The following RHOQ variants were observed in gnomAD, a reference collection of about 807,000 sequenced individuals.
RHOQ encodes ras homolog family member Q, also known as rho-related GTP-binding protein RhoQ.
A neutral mutation model predicts 25.8 loss-of-function variants in RHOQ; 7 were observed. That is an observed-to-expected ratio of 0.27 (90% CI 0.15 to 0.51). The LOEUF is 0.51. RHOQ is among the 20% of genes least tolerant of loss of function. The probability of loss-of-function intolerance (pLI) is 0.97; values close to 1 mark genes in which losing one functional copy is unlikely to be tolerated. For synonymous variants in RHOQ, 97 were observed against 98.6 expected, an observed-to-expected ratio of 0.98 and a Z score of 0.10; for missense variants, 165 against 260.6, an observed-to-expected ratio of 0.63 and a Z score of 2.53.
intron 2 of RHOQ, chr2:46,560,571 A>G (rs942844741): frequency 1.1e-5 from 5 of 456,222 alleles, no homozygotes; most frequent in Admixed American, 7.0e-5. Flanking sequence ...TTTCTGTTTC[A>G]TCTGGATCCT....
At chr2:46,562,598 T>C (rs766490019) in intron 2 of RHOQ, among the ~76,000 whole-genome samples, 25 of 152,148 alleles carry the variant, frequency 1.6e-4, no homozygotes, top group Admixed American at 3.9e-4. Flanking sequence ...AGTGTAGACA[T>C]GTGTGCATTA....
At chr2:46,547,787 G>A (rs558362740) in intron 2 of RHOQ, among the ~76,000 whole-genome samples, 6 of 152,326 alleles carry the variant, frequency 3.9e-5, no homozygotes, top group African/African-American at 1.4e-4. Context: ...AGGAGGGACT[G>A]GAGAGATGGG....
chr2:46,554,822 A>G (rs2103993787), intron 2 of RHOQ, among the ~76,000 whole-genome samples: 2 of 145,062 alleles, frequency 1.4e-5, no homozygotes, highest in South Asian at 4.3e-4. Flanking sequence ...GTTCCAATCT[A>G]GAAAACCCAT....
chr2:46,567,503 C>T (rs151068378), intron 2 of RHOQ, among the ~76,000 whole-genome samples: 1,843 of 152,032 alleles, frequency 0.012, 13 homozygotes, highest in Non-Finnish European at 0.017. Context: ...AAGTGATCTT[C>T]CCACCTCAGC....
intron 4 of RHOQ, among the ~76,000 whole-genome samples, chr2:46,577,319 C>CTTAACA (rs1408024109): frequency 6.6e-6 from 1 of 151,496 alleles, no homozygotes; most frequent in African/African-American, 2.4e-5. Context: ...CCCATTTGGC[C>CTTAACA]TTAACATTAT....
intron 2 of RHOQ, among the ~76,000 whole-genome samples, chr2:46,554,637 G>A (rs1668356589): frequency 6.6e-6 from 1 of 152,112 alleles, no homozygotes; most frequent in Admixed American, 6.5e-5. Context: ...CGGGTCACAA[G>A]GAGTGGCTGA....
At chr2:46,580,242 C>G (rs527665720) in intron 4 of RHOQ, 1 of 152,580 alleles carries the variant, frequency 6.6e-6, no homozygotes, top group Admixed American at 6.5e-5. Context: ...GCCTCCTGGT[C>G]TCCTTTGTTG....
chr2:46,580,852 T>C (rs2276554), intron 4 of RHOQ, 76 bp from the exon 5 acceptor site: 150,012 of 1,026,838 alleles, frequency 0.15, 15,122 homozygotes, highest in African/African-American at 0.47. Flanking sequence ...TAATTTTCTT[T>C]ATAATGATGT....
In RHOQ at chr2:46,552,966, G is replaced by A. The variant is rs1668288560; in HGVS notation, c.201+9154G>A. Among the ~76,000 whole-genome samples, 1 of 152,190 alleles carries A rather than the reference G, an allele frequency of 6.6e-6. No individual in the cohort carries two copies. The highest frequency in any genetic ancestry group is 2.1e-4 in the South Asian group (1 of 4,832). On this transcript the variant is annotated intron_variant, in intron 2 of 4. Coordinates refer to ENST00000238738, the MANE Select transcript of RHOQ (RefSeq NM_012249.4). This position sits in a 1 kb window ranked among gnomAD's most constrained non-coding sequence, Gnocchi z 5.0. The stretch of plus-strand genomic sequence containing the variant: ...TTTAGCTGGAGAAAGTGATCAGTTT[G>A]GATTCTTACACGTACTAGATGCTCA...
At chr2:46,561,870 A>G (rs1401454929) in intron 2 of RHOQ, among the ~76,000 whole-genome samples, 1 of 152,148 alleles carries the variant, frequency 6.6e-6, no homozygotes, top group Non-Finnish European at 1.5e-5. Flanking sequence ...AATGACTTGA[A>G]CAAGATTACA....
intron 2 of RHOQ, among the ~76,000 whole-genome samples, chr2:46,567,456 T>A (rs1668770577): frequency 6.6e-6 from 1 of 151,838 alleles, no homozygotes; most frequent in South Asian, 2.1e-4. Flanking sequence ...TGCAGTGGCA[T>A]GATCTCAGCT....
chr2:46,550,690 CTG>C (rs1195138242), intron 2 of RHOQ, among the ~76,000 whole-genome samples: 5 of 152,224 alleles, frequency 3.3e-5, no homozygotes, highest in Non-Finnish European at 7.3e-5. Context: ...TCTCTTCCTT[CTG>C]TGTGAAGTGT....
chr2:46,570,143 T>C (rs1231442641), intron 2 of RHOQ, among the ~76,000 whole-genome samples: 1 of 152,214 alleles, frequency 6.6e-6, no homozygotes, highest in African/African-American at 2.4e-5. Flanking sequence ...GACTGCACAA[T>C]AGAAATGAGG....
At chr2:46,546,820 G>A (rs368195240) in intron 2 of RHOQ, among the ~76,000 whole-genome samples, 4 of 151,998 alleles carry the variant, frequency 2.6e-5, no homozygotes, top group African/African-American at 9.7e-5. Context: ...TGGGGAGAAA[G>A]GTTCACAGAG....
intron 4 of RHOQ, among the ~76,000 whole-genome samples, chr2:46,577,302 CT>C (rs35897111): frequency 6.6e-6 from 1 of 151,870 alleles, no homozygotes; most frequent in East Asian, 1.9e-4. Flanking sequence ...ACTTTTTCCC[CT>C]TTTTTCCCAT....
At position 46,566,922 on chromosome 2, in the gene RHOQ, G is replaced by A. The variant is rs1360501009; in HGVS notation, c.202-9165G>A. Among the ~76,000 whole-genome samples the A allele has an allele frequency of 6.6e-6, 1 of 152,040 alleles. No homozygotes were observed. The highest frequency in any genetic ancestry group is 6.6e-5 in the Admixed American group (1 of 15,264). On this transcript the variant is annotated intron_variant, in intron 2 of 4. Coordinates refer to ENST00000238738, the MANE Select transcript of RHOQ (RefSeq NM_012249.4). This position sits in a 1 kb window ranked among gnomAD's most constrained non-coding sequence, Gnocchi z 4.2. The stretch of plus-strand genomic sequence containing the variant: ...CAGAACCTGGCTCTTTTCCTTCATA[G>A]CACCTGTCCCAATTTGCATTTATAG...
At chr2:46,580,784 C>T in intron 4 of RHOQ, 144 bp from the exon 5 acceptor site, 2 of 538,706 alleles carry the variant, frequency 3.7e-6, no homozygotes, top group Non-Finnish European at 6.2e-6. Flanking sequence ...TTTTAAAATC[C>T]CCTCTGGGGT....
At position 46,566,399 on chromosome 2, in the gene RHOQ, A is replaced by G. The variant is rs1255474041; in HGVS notation, c.202-9688A>G. 6.6e-6 allele frequency among the ~76,000 whole-genome samples: 1 copy of G among 151,644 alleles called. No individual in the cohort carries two copies. Among genetic ancestry groups the G allele is most frequent in the African/African-American group, 2.4e-5 (1 of 41,044 alleles). On this transcript the variant is annotated intron_variant, in intron 2 of 4. Transcript: ENST00000238738. The surrounding 1 kb of genome is among the most constrained non-coding windows in gnomAD (Gnocchi z 4.2). ...TATGGTGCTTCTCTACCCTACCCTCAGTTTTCTTCATCCCTCTAAAAGATG... is the reference window on the plus strand; with the variant it reads ...TATGGTGCTTCTCTACCCTACCCTCGGTTTTCTTCATCCCTCTAAAAGATG...
intron 1 of RHOQ, 199 bp from the exon 2 acceptor site, chr2:46,543,555 G>C (rs1165462130): frequency 1.1e-5 from 7 of 617,152 alleles, no homozygotes; most frequent in African/African-American, 1.8e-5. Context: ...GGGGTGGACG[G>C]CTGGGGACCA....
Sources: gnomAD v4.1 joint callset for allele counts (sites outside exome capture counted in the v4.1 genomes callset) on GRCh38, gnomAD v4.1.1 for gene constraint, Gnocchi (gnomAD v3.1) non-coding constraint, MANE v1.5 for transcripts, NCBI Gene and HGNC (gene_info 2026-07-23, HGNC 2026-07-21) for gene names.